Variants in NOTUM observed in about 807,000 individuals in gnomAD.
The protein encoded by NOTUM is palmitoleoyl-protein carboxylesterase NOTUM.
In NOTUM, 36 loss-of-function variants were observed where a neutral mutation model predicts 65.5. The ratio of observed to expected loss-of-function variants is 0.55; its 90% CI spans 0.42 to 0.73. The LOEUF is 0.73. NOTUM is among the 30% of genes least tolerant of loss of function. NOTUM has a pLI of 0.00. For synonymous variants in NOTUM, 356 were observed against 297.9 expected, an observed-to-expected ratio of 1.20 and a Z score of -2.01; for missense variants, 659 against 694.2, an observed-to-expected ratio of 0.95 and a Z score of 0.57.
Position 81,960,835 on chromosome 17 carries a change from G to A in NOTUM, c.75C>T (p.Thr25=), listed in dbSNP as rs1247793378. The A allele has an allele frequency of 6.6e-7, 1 of 1,516,420 alleles. No homozygotes were observed. Among genetic ancestry groups the A allele is most frequent in the South Asian group, 1.2e-5 (1 of 81,738 alleles). 93.9% of individuals were successfully genotyped at this position (1,516,420 alleles called of 1,614,324 possible). The change falls in exon 1 of 11, where the codon ACC becomes ACT. Residue 25 remains threonine, a synonymous_variant. Coordinates refer to ENST00000409678, the MANE Select transcript of NOTUM (RefSeq NM_178493.6). This position sits in a 1 kb window ranked among gnomAD's most constrained non-coding sequence, Gnocchi z 6.4. ...HCAGGSEGRK[T]WRRRGQQPPP... is the part of the protein sequence containing the mutation. ...GCGGCTGCTGACCCCGGCGCCGCCA[G>A]GTCTTCCTGCCCTCGCTGCCCCCGG...
rs368301974 is a variant in NOTUM at position 81,958,409 on chromosome 17, G to C, written c.534-16C>G. 1.0e-4 allele frequency: 161 copies of C among 1,597,292 alleles called. 1 individual carries two copies. The African/African-American group carries it at 2.0e-3, about 20-fold the overall frequency. ...GGGGATGAAGCTGCAACACAGAACA[G>C]AGTGAGCCTGTCACAGCGCCTGCCG... On this transcript the variant is annotated splice_polypyrimidine_tract_variant and intron_variant, in intron 4 of 10. Coordinates refer to ENST00000409678, the MANE Select transcript of NOTUM (RefSeq NM_178493.6).
rs202200890 is a variant in NOTUM at position 81,953,036 on chromosome 17, G to A, written c.1416C>T (p.Phe472=). The A allele has an allele frequency of 3.3e-5, 54 of 1,613,896 alleles. No individual in the cohort carries two copies. The highest frequency in any genetic ancestry group is 4.0e-5 in the Non-Finnish European group (47 of 1,180,002). The part of the protein sequence containing the change: ...NVAQFLMHMG[F]DMQTVAQPQG... ...GCGGCTGGGCCACCGTCTGCATGTCGAAGCCCATGTGCATGAGGAACTGGG... is the reference window on the plus strand; with the variant it reads ...GCGGCTGGGCCACCGTCTGCATGTCAAAGCCCATGTGCATGAGGAACTGGG... Residue 472 remains phenylalanine (F), a synonymous_variant, in exon 11 of 11, where the codon TTC becomes TTT. Coordinates refer to ENST00000409678, the MANE Select transcript of NOTUM (RefSeq NM_178493.6).
intron 7 of NOTUM, 29 bp from the exon 8 acceptor site, chr17:81,956,779 C>T (rs764271317): frequency 4.6e-5 from 73 of 1,602,220 alleles, no homozygotes; most frequent in Middle Eastern, 3.3e-4. Flanking sequence ...GTTAGGCTGC[C>T]GTGGGTCTCG....
At chr17:81,955,748 A>G (rs1386338733) in intron 8 of NOTUM, among the ~76,000 whole-genome samples, 1 of 92,656 alleles carries the variant, frequency 1.1e-5, no homozygotes, top group Non-Finnish European at 2.1e-5. Context: ...CCCCAGGCTC[A>G]GAGTTCAGCA....
chr17:81,959,420 C>T, intron 3 of NOTUM, 51 bp downstream of exon 3: 1 of 1,410,126 alleles, frequency 7.1e-7, no homozygotes, highest in Non-Finnish European at 9.7e-7. Flanking sequence ...GCGGGCGCGG[C>T]TTCCTCCCGG....
intron 3 of NOTUM, 137 bp downstream of exon 3, chr17:81,959,333 GC>G (rs1256624396): frequency 3.0e-6 from 2 of 665,728 alleles, no homozygotes; most frequent in African/African-American, 3.6e-5. Context: ...AGTGAAGGGC[GC>G]CCCTTGCTCT....
chr17:81,954,673 C>T (rs1441914741), intron 9 of NOTUM, among the ~76,000 whole-genome samples: 2 of 152,200 alleles, frequency 1.3e-5, no homozygotes, highest in Non-Finnish European at 2.9e-5. Flanking sequence ...TGCTTGCCTC[C>T]CACAGGCAAG....
chr17:81,955,301 T>C, intron 9 of NOTUM, 96 bp downstream of exon 9: 7 of 1,162,284 alleles, frequency 6.0e-6, no homozygotes, highest in South Asian at 4.5e-5. Context: ...CTATTTTTTT[T>C]TGTTCTGGTT....
chr17:81,953,785 T>C lies in NOTUM; in HGVS notation c.1184+471A>G, dbSNP rs368760925. Among the ~76,000 whole-genome samples, 672 of 135,160 alleles carry C rather than the reference T, an allele frequency of 5.0e-3. 6 individuals are homozygous for C. Among genetic ancestry groups the C allele is most frequent in the African/African-American group, 0.016 (565 of 35,854 alleles). 88.7% of individuals were successfully genotyped at this position (135,160 alleles called of 152,430 possible). ...CTCAGCCTGAGTCTTTTTTTTTTTT[T>C]CTTTTTTTTTTGAGATGGAGTTTCA... On this transcript the variant is annotated intron_variant, in intron 10 of 10. Coordinates refer to ENST00000409678, the MANE Select transcript of NOTUM (RefSeq NM_178493.6).
At position 81,959,671 on chromosome 17, in the gene NOTUM, C is replaced by T. The variant is rs1300176932; in HGVS notation, c.345G>A (p.Arg115=). Residue 115 remains arginine, a synonymous_variant, in exon 2 of 11, where the codon AGG becomes AGA. Coordinates refer to ENST00000409678, the MANE Select transcript of NOTUM (RefSeq NM_178493.6). ...GGAAGAGGAGCCACCGCCGGCTGCCCCTGGACTCCTTCAGGTAGTAGCTGC... is the reference window on the plus strand; with the variant it reads ...GGAAGAGGAGCCACCGCCGGCTGCCTCTGGACTCCTTCAGGTAGTAGCTGC... ...SPAGYYLKES[R]GSRRWLLFLE... is the part of the protein sequence containing the mutation. 4 of 1,542,388 alleles carry T rather than the reference C, an allele frequency of 2.6e-6. No individual in the cohort carries two copies. The highest frequency in any genetic ancestry group is 3.9e-5 in the Admixed American group (2 of 50,738).
chr17:81,956,964 A>T lies in NOTUM; in HGVS notation c.806T>A (p.Leu269Gln). ...VRGLADSGWF[L>Q]DNKQYRHTDC... ...TGTGTGGCGATACTGCTTGTTGTCC[A>T]GGAACCAGCCGGAGTCAGCCAGGCC... The change falls in exon 7 of 11, where the codon CTG becomes CAG. Residue 269 changes from leucine to glutamine, a missense_variant. Physicochemically the swap from Leu to Gln is moderately radical, Grantham distance 113 (BLOSUM62 -2). Transcript: ENST00000409678. 6.2e-7 allele frequency: 1 copy of T among 1,613,450 alleles called. No homozygotes were observed. The highest frequency in any genetic ancestry group is 8.5e-7 in the Non-Finnish European group (1 of 1,179,924).
chr17:81,954,970 T>TTC (rs1179483079), intron 9 of NOTUM, among the ~76,000 whole-genome samples: 3 of 149,184 alleles, frequency 2.0e-5, no homozygotes, highest in Admixed American at 6.7e-5. Context: ...CTCTCTCTCT[T>TTC]TCTCTCTCTC....
rs1173090555 is a variant in NOTUM at position 81,953,021 on chromosome 17, C to G, written c.1431G>C (p.Val477=). The G allele has an allele frequency of 6.2e-7, 1 of 1,614,088 alleles. No individual in the cohort carries two copies. Among genetic ancestry groups the G allele is most frequent in the South Asian group, 1.1e-5 (1 of 91,080 alleles). The stretch of plus-strand genomic sequence containing the variant: ...TGGGCTCCAGTCCCTGCGGCTGGGC[C>G]ACCGTCTGCATGTCGAAGCCCATGT... ...LMHMGFDMQT[V]AQPQGLEPSE... Residue 477 remains valine (V), a synonymous_variant, in exon 11 of 11, where the codon GTG becomes GTC. Transcript: ENST00000409678.
chr17:81,953,317 C>A, intron 10 of NOTUM, 50 bp from the exon 11 acceptor site: 2 of 1,254,018 alleles, frequency 1.6e-6, no homozygotes, highest in Non-Finnish European at 2.2e-6. Flanking sequence ...GTGGCATCAA[C>A]ACTGAGGCAG....
chr17:81,958,844 C>T (rs2041452921), intron 4 of NOTUM, 91 bp downstream of exon 4: 1 of 975,516 alleles, frequency 1.0e-6, no homozygotes, highest in Non-Finnish European at 1.6e-6. Flanking sequence ...CCAGGAAAGA[C>T]CATTTCAGAA....
At chr17:81,953,330 GT>G (rs1334838936) in intron 10 of NOTUM, 63 bp from the exon 11 acceptor site, 11,024 of 814,978 alleles carry the variant, frequency 0.014, no homozygotes, top group Non-Finnish European at 0.015. Flanking sequence ...TGAGGCAGCT[GT>G]TTTTTTTTTT....
chr17:81,955,307 T>C lies in NOTUM; in HGVS notation c.1136+90A>G, dbSNP rs2041422994. On this transcript the variant is annotated intron_variant, in intron 9 of 10. Coordinates refer to ENST00000409678, the MANE Select transcript of NOTUM (RefSeq NM_178493.6). ...ACAAGACCTCTATTTTTTTTTGTTC[T>C]GGTTTTTCTTCTTTTGTTTTCTCAG... 5 of 1,217,612 alleles carry C rather than the reference T, an allele frequency of 4.1e-6. No homozygotes were observed. The East Asian group carries it at 1.3e-4, about 31-fold the overall frequency. 75.4% of individuals were successfully genotyped at this position (1,217,612 alleles called of 1,614,324 possible). A position where few individuals can be genotyped will look rare whatever the true frequency, so the allele number is the denominator to read the frequency against.
intron 3 of NOTUM, 21 bp downstream of exon 3, chr17:81,959,450 T>G: frequency 6.5e-7 from 1 of 1,533,440 alleles, no homozygotes. Flanking sequence ...CGAGACGCCT[T>G]CCCCAGGGCC....
chr17:81,959,829 G>GC, intron 1 of NOTUM, 137 bp from the exon 2 acceptor site: 1 of 334,272 alleles, frequency 3.0e-6, no homozygotes, highest in Non-Finnish European at 5.1e-6. Flanking sequence ...CCTCGGCCAG[G>GC]CCCACGGGGA....
Sources: gnomAD v4.1 joint callset for allele counts (sites outside exome capture counted in the v4.1 genomes callset) on GRCh38, gnomAD v4.1.1 for gene constraint, Gnocchi (gnomAD v3.1) non-coding constraint, MANE v1.5 for transcripts, NCBI Gene and HGNC (gene_info 2026-07-23, HGNC 2026-07-21) for gene names.